The following FBN2 variants were observed in gnomAD, a reference collection of about 807,000 sequenced individuals.
FBN2 encodes the protein fibrillin-2.
FBN2 carries 105 observed loss-of-function variants against 355.6 expected under a neutral mutation model. The observed-to-expected ratio is 0.30, with a 90% CI of 0.25 to 0.35. The LOEUF is 0.35. Among genes scored for constraint, FBN2 ranks in the 10% least tolerant of loss-of-function variants. The pLI, the probability that FBN2 is intolerant of heterozygous loss-of-function variation, is 1.00. For synonymous variants in FBN2, 1,350 were observed against 1,301.2 expected (o/e 1.04, Z -0.81); for missense variants, 3,280 against 3,758.7 (o/e 0.87, Z 3.33).
chr5:128,276,473 G>C (rs761402561), intron 58 of FBN2, among the ~76,000 whole-genome samples: 2 of 152,126 alleles, frequency 1.3e-5, no homozygotes, highest in African/African-American at 2.4e-5. Flanking sequence ...GAGTTTCTCT[G>C]TTTTTGACCC....
intron 5 of FBN2, among the ~76,000 whole-genome samples, chr5:128,516,848 A>G (rs1393979361): frequency 6.6e-6 from 1 of 152,206 alleles, no homozygotes; most frequent in Non-Finnish European, 1.5e-5. Context: ...CTTCATTTTT[A>G]GTAGAATGGG....
chr5:128,393,294 C>G lies in FBN2; in HGVS notation c.1306G>C (p.Gly436Arg). The change falls in exon 10 of 65, where the codon GGC becomes CGC. Residue 436 changes from glycine (G) to arginine (R), a missense_variant. This residue lies in a region of FBN2 where 343 missense variants were observed against 331.0 expected (regional missense o/e 1.04). Transcript: ENST00000262464. Reference sequence around the variant, plus strand: ...GGGGCAAAGCCATTTCCCCCAGTGCCTCCAGGTCTGGAACCAGCACTCCCT... The same window carrying G: ...GGGGCAAAGCCATTTCCCCCAGTGCGTCCAGGTCTGGAACCAGCACTCCCT... ...IPGSAGSRPG[G>R]TGGNGFAPSG... is the part of the protein sequence containing the mutation. 6.2e-7 allele frequency: 1 copy of G among 1,614,218 alleles called. No homozygotes were observed. Among genetic ancestry groups the G allele is most frequent in the East Asian group, 2.2e-5 (1 of 44,868 alleles).
chr5:128,394,419 T>C (rs1752594724), intron 9 of FBN2, among the ~76,000 whole-genome samples: 1 of 152,192 alleles, frequency 6.6e-6, no homozygotes, highest in Admixed American at 6.5e-5. Context: ...GTATGATTAA[T>C]TTTCAAGATC....
At chr5:128,482,182 A>G (rs1755211617) in intron 5 of FBN2, among the ~76,000 whole-genome samples, 1 of 152,128 alleles carries the variant, frequency 6.6e-6, no homozygotes, top group Non-Finnish European at 1.5e-5. Context: ...GAAAATGTGG[A>G]TATTACCGGT....
At chr5:128,328,149 A>G (rs1750604503) in intron 34 of FBN2, 1 of 175,792 alleles carries the variant, frequency 5.7e-6, no homozygotes, top group Admixed American at 5.5e-5. Flanking sequence ...ATATCATACT[A>G]GGCACAAAGA....
chr5:128,527,960 C>T lies in FBN2; in HGVS notation c.444G>A (p.Gln148=), dbSNP rs1307024373. 5.0e-6 allele frequency: 8 copies of T among 1,608,128 alleles called. No homozygotes were observed. Among genetic ancestry groups the T allele is most frequent in the African/African-American group, 1.3e-5 (1 of 74,758 alleles). Residue 148 remains glutamine (Q), a synonymous_variant, in exon 4 of 65, where the codon CAG becomes CAA. Transcript: ENST00000262464. Reference sequence around the variant, plus strand: ...CACCATTCATGCATCTCACACTGCACTGCTGAACTGCAAAGAGCAATAACA... The same window carrying T: ...CACCATTCATGCATCTCACACTGCATTGCTGAACTGCAAAGAGCAATAACA... ...SSTCGSKSIQ[Q]CSVRCMNGGT...
intron 46 of FBN2, among the ~76,000 whole-genome samples, chr5:128,301,972 A>C (rs1179579497): frequency 6.6e-6 from 1 of 152,210 alleles, no homozygotes; most frequent in East Asian, 1.9e-4. Context: ...AAACACTGGA[A>C]TTGCTGATAT....
At chr5:128,336,743 G>A (rs2126899805) in intron 27 of FBN2, among the ~76,000 whole-genome samples, 1 of 152,176 alleles carries the variant, frequency 6.6e-6, no homozygotes, top group Non-Finnish European at 1.5e-5. Context: ...CTATAATATG[G>A]GCAGGTGCCT....
chr5:128,465,069 T>A, intron 5 of FBN2, 148 bp from the exon 6 acceptor site: 1 of 807,660 alleles, frequency 1.2e-6, no homozygotes, highest in South Asian at 1.5e-5. Flanking sequence ...TAAAAATTCA[T>A]AATTTTCCAT....
intron 35 of FBN2, 106 bp from the exon 36 acceptor site, chr5:128,318,377 T>G (rs1750270283): frequency 1.1e-5 from 12 of 1,129,050 alleles, no homozygotes; most frequent in Non-Finnish European, 1.6e-5. Flanking sequence ...AGATTAAAGA[T>G]CACTAGGAAA....
chr5:128,287,162 A>G, intron 54 of FBN2, 146 bp downstream of exon 54: 1 of 985,052 alleles, frequency 1.0e-6, no homozygotes, highest in African/African-American at 1.6e-5. Flanking sequence ...CTTGTTATCT[A>G]GGTATGGAAA....
At chr5:128,320,160 A>G (rs977317500) in intron 34 of FBN2, among the ~76,000 whole-genome samples, 3 of 152,080 alleles carry the variant, frequency 2.0e-5, no homozygotes, top group Non-Finnish European at 4.4e-5. Flanking sequence ...GCTAGATTAC[A>G]ATTGAATTGT....
rs142713168 is a variant in FBN2, at chr5:128,473,871, T to G, written c.629-8950A>C. 1.9e-3 allele frequency among the ~76,000 whole-genome samples: 284 copies of G among 152,358 alleles called. 2 individuals carry two copies. Among genetic ancestry groups the G allele is most frequent in the African/African-American group, 6.5e-3 (270 of 41,582 alleles). On this transcript the variant is annotated intron_variant, in intron 5 of 64. Transcript: ENST00000262464. ...GCAAATAAATGAGTAATTACTTTAA[T>G]TACCACAGTTGCCTTGCATTTTATT...
intron 3 of FBN2, 141 bp from the exon 4 acceptor site, chr5:128,528,108 T>A: frequency 1.5e-6 from 1 of 675,132 alleles, no homozygotes; most frequent in South Asian, 1.6e-5. Flanking sequence ...GACCCAAACA[T>A]ATTTTTATTC....
At chr5:128,516,049 A>G (rs1022293806) in intron 5 of FBN2, among the ~76,000 whole-genome samples, 7 of 152,334 alleles carry the variant, frequency 4.6e-5, no homozygotes, top group African/African-American at 1.7e-4. Context: ...AGGACTCTAG[A>G]CAGGCCACAT....
chr5:128,340,301 AG>A (rs1018531742), intron 25 of FBN2, among the ~76,000 whole-genome samples: 2 of 152,118 alleles, frequency 1.3e-5, no homozygotes, highest in Non-Finnish European at 2.9e-5. Flanking sequence ...TTCTCTTGAG[AG>A]GGGGGTCTCA....
chr5:128,508,826 T>C (rs1021969661), intron 5 of FBN2, among the ~76,000 whole-genome samples: 1 of 152,032 alleles, frequency 6.6e-6, no homozygotes, highest in Admixed American at 6.6e-5. Flanking sequence ...GCTTTATTTA[T>C]TTTACTTCTG....
intron 6 of FBN2, among the ~76,000 whole-genome samples, chr5:128,457,323 T>C (rs572297499): frequency 2.6e-5 from 4 of 152,186 alleles, no homozygotes; most frequent in African/African-American, 9.6e-5. Flanking sequence ...TAACCTACGA[T>C]TGACTGGAGT....
chr5:128,317,990 G>GT (rs1272843859), intron 36 of FBN2, among the ~76,000 whole-genome samples, 159 bp downstream of exon 36: 1 of 152,190 alleles, frequency 6.6e-6, no homozygotes, highest in Non-Finnish European at 1.5e-5. Flanking sequence ...GAGGAGGAAG[G>GT]TGGAGCAGAT....
Sources: gnomAD v4.1 joint callset for allele counts (sites outside exome capture counted in the v4.1 genomes callset) on GRCh38, gnomAD v4.1.1 for gene constraint, gnomAD v4.1.1 regional missense constraint, MANE v1.5 for transcripts, NCBI Gene and HGNC (gene_info 2026-07-23, HGNC 2026-07-21) for gene names.